Variants in SKOR1 observed in about 807,000 individuals in gnomAD.
The protein encoded by SKOR1 is SKI family transcriptional corepressor 1.
SKOR1 carries 38 observed loss-of-function variants against 72.4 expected under a neutral mutation model. That is an observed-to-expected ratio of 0.52 (90% CI 0.40 to 0.69). The LOEUF (loss-of-function observed/expected upper bound fraction) is 0.69. Ranked by LOEUF, SKOR1 falls within the 30% of genes least tolerant of loss-of-function variation. The pLI is 0.00. For missense variants in SKOR1, 1,320 were observed against 1,343.2 expected, an observed-to-expected ratio of 0.98 and a Z score of 0.27; for synonymous variants, 642 against 599.4, an observed-to-expected ratio of 1.07 and a Z score of -1.04.
chr15:67,830,408 CT>C, intron 4 of SKOR1, 110 bp downstream of exon 4: 1 of 904,052 alleles, frequency 1.1e-6, no homozygotes, highest in Non-Finnish European at 1.7e-6. Context: ...GTGTAAGCGG[CT>C]GCCAGTCTTC....
chr15:67,829,389 A>G (rs1044240479), intron 3 of SKOR1, 120 bp downstream of exon 3: 10 of 870,904 alleles, frequency 1.1e-5, no homozygotes, highest in Non-Finnish European at 1.2e-5. Flanking sequence ...GGAGAGGGAA[A>G]GAAAAATAAT....
In SKOR1 at chr15:67,826,303, G is replaced by T. The variant is rs371883029; in HGVS notation, c.475G>T (p.Ala159Ser). The T allele has an allele frequency of 1.2e-5, 19 of 1,613,334 alleles. No homozygotes were observed. The highest frequency in any genetic ancestry group is 4.0e-5 in the African/African-American group (3 of 74,946). The change falls in exon 2 of 9, where the codon GCC becomes TCC. Residue 159 changes from alanine (A) to serine (S), a missense_variant. Physicochemically the swap from Ala to Ser is moderately conservative, Grantham distance 99 (BLOSUM62 1). Transcript: ENST00000380035. ...RRCGMITKRE[A>S]ERLCKSFLGE... is the part of the protein sequence containing the mutation. ...CTGCGGCATGATCACTAAGCGAGAG[G>T]CCGAACGCCTGTGCAAGTCGTTCCT...
At chr15:67,829,148 C>A in intron 2 of SKOR1, 31 bp from the exon 3 acceptor site, 1 of 1,516,184 alleles carries the variant, frequency 6.6e-7, no homozygotes, top group South Asian at 1.2e-5. Flanking sequence ...GGGCGCCACC[C>A]TAATCGCCTG....
Position 67,833,755 on chromosome 15 carries a change from C to T in SKOR1, c.2817C>T (p.Ala939=), listed in dbSNP as rs748947613. 6.2e-7 allele frequency: 1 copy of T among 1,613,700 alleles called. No individual in the cohort carries two copies. The highest frequency in any genetic ancestry group is 1.7e-5 in the Admixed American group (1 of 60,026). The change falls in exon 9 of 9, where the codon GCC becomes GCT. Residue 939 remains alanine, a synonymous_variant. Transcript: ENST00000380035. This position sits in a 1 kb window ranked among gnomAD's most constrained non-coding sequence, Gnocchi z 6.0. Reference sequence around the variant, plus strand: ...CTGTCTCCCCAGAAGCCCACGACGCCCTGCACCATTTCTCCTGCAAGATGC... The same window carrying T: ...CTGTCTCCCCAGAAGCCCACGACGCTCTGCACCATTTCTCCTGCAAGATGC... ...IQQKLKEAHD[A]LHHFSCKMLT...
At chr15:67,831,218 G>T (rs2091005969) in intron 5 of SKOR1, among the ~76,000 whole-genome samples, 1 of 152,220 alleles carries the variant, frequency 6.6e-6, no homozygotes, top group Non-Finnish European at 1.5e-5. Flanking sequence ...GATGCCTGTG[G>T]ACAATCAGAC....
rs1294443280 is a variant in SKOR1 at position 67,827,614 on chromosome 15, C to A, written c.1786C>A (p.Arg596=). 5.2e-6 allele frequency: 8 copies of A among 1,528,972 alleles called. No individual in the cohort carries two copies. Among genetic ancestry groups the A allele is most frequent in the African/African-American group, 1.4e-5 (1 of 71,946 alleles). The allele number at this position is 1,528,972 out of a possible 1,614,324, so 94.7% of individuals were successfully genotyped here. ...CAAAGGCTCCTACGTGTCGGCCTTC[C>A]GGCCGGTGGTCAAGGACACCGAGAG... The part of the protein sequence containing the change: ...ARKGSYVSAF[R]PVVKDTESIA... Residue 596 remains arginine (R), a synonymous_variant, in exon 2 of 9, where the codon CGG becomes AGG. Coordinates refer to ENST00000380035, the MANE Select transcript of SKOR1 (RefSeq NM_001365915.1).
rs944006358 is a variant in SKOR1, at chr15:67,834,362, TCTC to T, written c.*529_*531del. The T allele has an allele frequency of 2.4e-5, 4 of 163,540 alleles. No individual in the cohort carries two copies. The highest frequency in any genetic ancestry group is 1.7e-4 in the Admixed American group (3 of 17,620). The allele number at this position is 163,540 out of a possible 1,614,324, so 10.1% of individuals were successfully genotyped here. A position where few individuals can be genotyped will look rare whatever the true frequency, so the allele number is the denominator to read the frequency against. On this transcript the variant is annotated 3_prime_UTR_variant, in exon 9 of 9. Coordinates refer to ENST00000380035, the MANE Select transcript of SKOR1 (RefSeq NM_001365915.1). This position sits in a 1 kb window ranked among gnomAD's most constrained non-coding sequence, Gnocchi z 5.8. ...ATGCTGTAAGTTATTTTTGCTTCCT[TCTC>T]CTGGACCCACTTCCAGTCCCGTTTT...
Position 67,832,734 on chromosome 15 carries a change from G to A in SKOR1, c.2737+53G>A. 1 of 1,439,276 alleles carries A rather than the reference G, an allele frequency of 6.9e-7. No individual in the cohort carries two copies. The allele number at this position is 1,439,276 out of a possible 1,614,324, so 89.2% of individuals were successfully genotyped here. On this transcript the variant is annotated intron_variant, in intron 7 of 8. Transcript: ENST00000380035. The surrounding 1 kb of genome is among the most constrained non-coding windows in gnomAD (Gnocchi z 4.5). ...CACGGGCCGTAACTGCCTCTCGTCT[G>A]GCAGGAGCCGCAATGTTGGCTCAGT...
In SKOR1 at chr15:67,826,539, C is replaced by T. The variant is rs751655066; in HGVS notation, c.711C>T (p.Pro237=). Residue 237 remains proline, a synonymous_variant, in exon 2 of 9, where the codon CCC becomes CCT. Coordinates refer to ENST00000380035, the MANE Select transcript of SKOR1 (RefSeq NM_001365915.1). ...HRTPDAKYTQ[P]DAANFNSWRR... ...CACCCGACGCCAAGTACACGCAGCCCGATGCCGCCAACTTCAACTCCTGGC... is the reference window on the plus strand; with the variant it reads ...CACCCGACGCCAAGTACACGCAGCCTGATGCCGCCAACTTCAACTCCTGGC... 2.5e-6 allele frequency: 4 copies of T among 1,613,958 alleles called. No homozygotes were observed. Among genetic ancestry groups the T allele is most frequent in the Admixed American group, 1.7e-5 (1 of 60,022 alleles).
rs1453686978 is a variant in SKOR1, at chr15:67,829,268, C to A, written c.2406C>A (p.His802Gln). 6.5e-7 allele frequency: 1 copy of A among 1,546,998 alleles called. No homozygotes were observed. The highest frequency in any genetic ancestry group is 8.7e-7 in the Non-Finnish European group (1 of 1,153,118). The change falls in exon 3 of 9, where the codon CAC (histidine) becomes CAA (glutamine). Residue 802 changes from histidine (H) to glutamine (Q), a missense_variant and splice_region_variant. His to Gln is a conservative substitution (Grantham distance 24). This residue lies in a region of SKOR1 where 1,099 missense variants were observed against 1,025.5 expected (regional missense o/e 1.07). Coordinates refer to ENST00000380035, the MANE Select transcript of SKOR1 (RefSeq NM_001365915.1). The part of the protein sequence containing the change: ...AASYVCTPEA[H>Q]EPDKEDNHSP... ...CCTACGTCTGCACCCCCGAGGCCCACGGTAACGCCTGTCGCGGCCGCTGGC... is the reference window on the plus strand; with the variant it reads ...CCTACGTCTGCACCCCCGAGGCCCAAGGTAACGCCTGTCGCGGCCGCTGGC...
rs2090959848 is a variant in SKOR1, at chr15:67,826,594, G to A, written c.766G>A (p.Ala256Thr). 6.2e-7 allele frequency: 1 copy of A among 1,613,804 alleles called. No homozygotes were observed. The highest frequency in any genetic ancestry group is 1.3e-5 in the African/African-American group (1 of 74,954). ...TCACCTCAAACTCAGTGACAAGTCG[G>A]CCACAGACGAACTGAGCCATGCTTG... Reference protein sequence around the residue: ...RRHLKLSDKSATDELSHAWED... With the variant: ...RRHLKLSDKSTTDELSHAWED... Residue 256 changes from alanine (A) to threonine (T), a missense_variant, in exon 2 of 9, where the codon GCC becomes ACC. This residue lies in a region of SKOR1 where 1,099 missense variants were observed against 1,025.5 expected (regional missense o/e 1.07). Transcript: ENST00000380035.
intron 4 of SKOR1, among the ~76,000 whole-genome samples, 189 bp downstream of exon 4, chr15:67,830,487 C>G (rs1274358325): frequency 1.3e-5 from 2 of 152,126 alleles, no homozygotes; most frequent in African/African-American, 4.8e-5. Flanking sequence ...ATTGCTGCCT[C>G]CTTGGTGGGT....
chr15:67,827,656 G>C lies in SKOR1; in HGVS notation c.1828G>C (p.Gly610Arg), dbSNP rs1474634164. The change falls in exon 2 of 9, where the codon GGG becomes CGG. Residue 610 changes from glycine to arginine, a missense_variant. By Grantham distance (125) the Gly-to-Arg change is moderately radical. Coordinates refer to ENST00000380035, the MANE Select transcript of SKOR1 (RefSeq NM_001365915.1). ...KDTESIAKLY[G>R]SAREAYGAGP... is the part of the protein sequence containing the mutation. ...CACCGAGAGCATCGCTAAGCTCTAC[G>C]GGAGCGCCCGGGAGGCGTACGGCGC... The C allele has an allele frequency of 1.3e-6, 2 of 1,531,690 alleles. No homozygotes were observed. The highest frequency in any genetic ancestry group is 1.7e-6 in the Non-Finnish European group (2 of 1,142,880). The allele number at this position is 1,531,690 out of a possible 1,614,324, so 94.9% of individuals were successfully genotyped here.
chr15:67,827,652 C>T lies in SKOR1; in HGVS notation c.1824C>T (p.Leu608=). 12 of 1,533,024 alleles carry T rather than the reference C, an allele frequency of 7.8e-6. No individual in the cohort carries two copies. The highest frequency in any genetic ancestry group is 1.0e-5 in the Non-Finnish European group (12 of 1,143,758). 95.0% of individuals were successfully genotyped at this position (1,533,024 alleles called of 1,614,324 possible). ...AGGACACCGAGAGCATCGCTAAGCTCTACGGGAGCGCCCGGGAGGCGTACG... is the reference window on the plus strand; with the variant it reads ...AGGACACCGAGAGCATCGCTAAGCTTTACGGGAGCGCCCGGGAGGCGTACG... The part of the protein sequence containing the change: ...VVKDTESIAK[L]YGSAREAYGA... Residue 608 remains leucine (L), a synonymous_variant, in exon 2 of 9, where the codon CTC becomes CTT. Transcript: ENST00000380035.
Position 67,826,610 on chromosome 15 carries a change from G to C in SKOR1, c.782G>C (p.Ser261Thr). The C allele has an allele frequency of 1.2e-6, 2 of 1,613,784 alleles. No homozygotes were observed. The highest frequency in any genetic ancestry group is 1.7e-6 in the Non-Finnish European group (2 of 1,179,926). The change falls in exon 2 of 9, where the codon AGC becomes ACC. Residue 261 changes from serine (S) to threonine (T), a missense_variant. Physicochemically the swap from Ser to Thr is moderately conservative, Grantham distance 58. Transcript: ENST00000380035. Reference sequence around the variant, plus strand: ...GACAAGTCGGCCACAGACGAACTGAGCCATGCTTGGGAGGACGTCAAGGCC... The same window carrying C: ...GACAAGTCGGCCACAGACGAACTGACCCATGCTTGGGAGGACGTCAAGGCC... ...LSDKSATDEL[S>T]HAWEDVKAMF... is the part of the protein sequence containing the mutation.
Position 67,827,272 on chromosome 15 carries a change from G to GCCA in SKOR1, c.1446_1448dup (p.Thr483dup). 2 of 1,578,752 alleles carry GCCA rather than the reference G, an allele frequency of 1.3e-6. No individual in the cohort carries two copies. Among genetic ancestry groups the GCCA allele is most frequent in the Non-Finnish European group, 1.7e-6 (2 of 1,170,796 alleles). ...GGCAGTGGCTGCAGCGGCCGCCGCC[G>GCCA]CCACTGTGTACCCGACGTTTCCCAT... On this transcript the variant is annotated inframe_insertion, in exon 2 of 9. Transcript: ENST00000380035.
Position 67,832,729 on chromosome 15 carries a change from C to G in SKOR1, c.2737+48C>G, listed in dbSNP as rs376810635. On this transcript the variant is annotated intron_variant, in intron 7 of 8. Coordinates refer to ENST00000380035, the MANE Select transcript of SKOR1 (RefSeq NM_001365915.1). This position sits in a 1 kb window ranked among gnomAD's most constrained non-coding sequence, Gnocchi z 4.5. ...TCGTGCACGGGCCGTAACTGCCTCT[C>G]GTCTGGCAGGAGCCGCAATGTTGGC... 2.7e-6 allele frequency: 4 copies of G among 1,492,564 alleles called. No individual in the cohort carries two copies. Among genetic ancestry groups the G allele is most frequent in the East Asian group, 4.5e-5 (2 of 44,290 alleles). 92.5% of individuals were successfully genotyped at this position (1,492,564 alleles called of 1,614,324 possible).
chr15:67,832,345 A>G lies in SKOR1; in HGVS notation c.2659A>G (p.Lys887Glu). The change falls in exon 6 of 9, where the codon AAA becomes GAA. Residue 887 changes from lysine to glutamate, a missense_variant. By Grantham distance (56) the Lys-to-Glu change is moderately conservative. Transcript: ENST00000380035. The surrounding 1 kb of genome is among the most constrained non-coding windows in gnomAD (Gnocchi z 4.5). ...KKLEREFQSL[K>E]DNFQDQMKRE... Reference sequence around the variant, plus strand: ...GCTGGAACGGGAATTTCAGAGTCTCAAAGGTACCCACTGCCATCCTGCCTC... The same window carrying G: ...GCTGGAACGGGAATTTCAGAGTCTCGAAGGTACCCACTGCCATCCTGCCTC... The G allele has an allele frequency of 6.2e-7, 1 of 1,614,058 alleles. No homozygotes were observed. Among genetic ancestry groups the G allele is most frequent in the Non-Finnish European group, 8.5e-7 (1 of 1,179,954 alleles).
rs2090958416 is a variant in SKOR1 at position 67,826,350 on chromosome 15, G to A, written c.522G>A (p.Lys174=). Residue 174 remains lysine (K), a synonymous_variant, in exon 2 of 9, where the codon AAG becomes AAA. Transcript: ENST00000380035. ...KSFLGEHKPP[K]LPENFAFDVV... ...TCCTGGGCGAGCACAAACCACCCAA[G>A]CTGCCCGAGAACTTCGCCTTCGATG... 1 of 1,613,666 alleles carries A rather than the reference G, an allele frequency of 6.2e-7. No individual in the cohort carries two copies. Among genetic ancestry groups the A allele is most frequent in the African/African-American group, 1.3e-5 (1 of 75,082 alleles).
Sources: gnomAD v4.1 joint callset for allele counts (sites outside exome capture counted in the v4.1 genomes callset) on GRCh38, gnomAD v4.1.1 for gene constraint, gnomAD v4.1.1 regional missense constraint, Gnocchi (gnomAD v3.1) non-coding constraint, MANE v1.5 for transcripts, NCBI Gene and HGNC (gene_info 2026-07-23, HGNC 2026-07-21) for gene names.